Variants in CCDC15 observed in about 807,000 individuals in gnomAD.
The protein encoded by CCDC15 is coiled-coil domain-containing protein 15.
Under a neutral mutation model 114.5 loss-of-function variants are expected in CCDC15, and 105 were observed. The observed-to-expected ratio is 0.92, with a 90% CI of 0.78 to 1.08. The LOEUF (loss-of-function observed/expected upper bound fraction) is 1.08. Among genes scored for constraint, CCDC15 ranks in the 50% least tolerant of loss-of-function variants. CCDC15 has a pLI of 0.00. For missense variants in CCDC15, 1,105 were observed against 1,093.6 expected (o/e 1.01, Z -0.15); for synonymous variants, 334 against 377.8 (o/e 0.88, Z 1.34).
chr11:124,982,068 G>A (rs1313976385), intron 6 of CCDC15, among the ~76,000 whole-genome samples: 1 of 151,840 alleles, frequency 6.6e-6, no homozygotes, highest in East Asian at 1.9e-4. Flanking sequence ...TTTTTAAATT[G>A]TTATTTGTTC....
intron 15 of CCDC15, among the ~76,000 whole-genome samples, chr11:125,039,755 G>A (rs890530512): frequency 2.0e-5 from 3 of 151,972 alleles, no homozygotes; most frequent in African/African-American, 7.3e-5. Context: ...AACCTCTAGG[G>A]CTACCCACTG....
intron 4 of CCDC15, among the ~76,000 whole-genome samples, chr11:124,971,710 T>C (rs1947885058): frequency 6.6e-6 from 1 of 152,188 alleles, no homozygotes; most frequent in South Asian, 2.1e-4. Flanking sequence ...AGTAAATAGT[T>C]GCATGCATTG....
At chr11:124,980,805 T>A (rs1000219609) in intron 6 of CCDC15, among the ~76,000 whole-genome samples, 1 of 152,218 alleles carries the variant, frequency 6.6e-6, no homozygotes, top group African/African-American at 2.4e-5. Flanking sequence ...TTCTGCTAGC[T>A]TTGGGGCTGG....
intron 13 of CCDC15, among the ~76,000 whole-genome samples, chr11:125,007,384 C>T (rs1948560353): frequency 1.3e-5 from 2 of 152,182 alleles, no homozygotes; most frequent in Non-Finnish European, 2.9e-5. Context: ...CTTCCAGTTC[C>T]ATCTGTGTTG....
chr11:124,972,888 G>C (rs6590111), intron 4 of CCDC15, among the ~76,000 whole-genome samples: 1 of 152,018 alleles, frequency 6.6e-6, no homozygotes, highest in Non-Finnish European at 1.5e-5. Context: ...TTTAGGACCC[G>C]TATGGATAAT....
chr11:124,987,174 A>C lies in CCDC15; in HGVS notation c.948A>C (p.Glu316Asp). 3.9e-6 allele frequency: 6 copies of C among 1,521,240 alleles called. No individual in the cohort carries two copies. Among genetic ancestry groups the C allele is most frequent in the Non-Finnish European group, 5.3e-6 (6 of 1,138,818 alleles). 94.2% of individuals were successfully genotyped at this position (1,521,240 alleles called of 1,614,324 possible). A position where few individuals can be genotyped will look rare whatever the true frequency, so the allele number is the denominator to read the frequency against. The change falls in exon 8 of 16, where the codon GAA (glutamate) becomes GAC (aspartate). Residue 316 changes from glutamate (E) to aspartate (D), a missense_variant. Coordinates refer to ENST00000344762, the MANE Select transcript of CCDC15 (RefSeq NM_025004.3). ...TATTTGTTCTGATGGAAGAGGAAGA[A>C]CAAAAGCAGTTACATTTTGAGGGCC... ...NPLFVLMEEE[E>D]QKQLHFEGLQ...
At chr11:125,006,115 T>C (rs1292451494) in intron 13 of CCDC15, among the ~76,000 whole-genome samples, 1 of 152,168 alleles carries the variant, frequency 6.6e-6, no homozygotes, top group African/African-American at 2.4e-5. Flanking sequence ...GGTAAAAATA[T>C]ATTTAGCTTT....
intron 13 of CCDC15, among the ~76,000 whole-genome samples, chr11:125,036,586 GCCCAAAACTCTTAGATTTGC>G (rs376876061): frequency 0.028 from 4,298 of 152,070 alleles, 84 homozygotes; most frequent in Non-Finnish European, 0.044. Context: ...CCTCCTCAAG[GCCCAAAACTCTTAGATTTGC>G]CCTTTTGAAG....
intron 11 of CCDC15, among the ~76,000 whole-genome samples, chr11:124,995,689 G>GACGC (rs2135499890): frequency 6.6e-6 from 1 of 152,244 alleles, no homozygotes; most frequent in South Asian, 2.1e-4. Context: ...AGTGATAGAG[G>GACGC]ACGCATGGGG....
Position 125,006,267 on chromosome 11 carries a change from G to A in CCDC15, c.2411+1055G>A, listed in dbSNP as rs1400514718. The stretch of plus-strand genomic sequence containing the variant: ...TTGGATTTTGGCCATTCTAGTAGGT[G>A]TGTAGTAGTATCTCATTGTTTTAAT... On this transcript the variant is annotated intron_variant, in intron 13 of 15. Transcript: ENST00000344762. Among the ~76,000 whole-genome samples the A allele has an allele frequency of 2.6e-5, 4 of 152,144 alleles. No individual in the cohort carries two copies. The South Asian group carries it at 6.2e-4, about 24-fold the overall frequency.
intron 11 of CCDC15, among the ~76,000 whole-genome samples, chr11:124,994,976 A>C (rs1367324733): frequency 6.6e-6 from 1 of 152,218 alleles, no homozygotes; most frequent in Non-Finnish European, 1.5e-5. Flanking sequence ...CAAAGGAGGC[A>C]AAGAAGCAGA....
chr11:125,008,578 G>A (rs532979466), intron 13 of CCDC15, among the ~76,000 whole-genome samples: 1 of 152,102 alleles, frequency 6.6e-6, no homozygotes, highest in East Asian at 1.9e-4. Context: ...TCTTTGGCTT[G>A]TTTCTTATCC....
Position 124,993,222 on chromosome 11 carries a change from A to G in CCDC15, c.2193A>G (p.Gly731=). Residue 731 remains glycine, a synonymous_variant, in exon 11 of 16, where the codon GGA becomes GGG. Transcript: ENST00000344762. ...SSFEKWEIAR[G]NTPGVPLAYD... is the part of the protein sequence containing the mutation. ...TTGAGAAATGGGAGATTGCAAGAGG[A>G]AATACTCCTGGAGTGCCCTTGGTAT... The G allele has an allele frequency of 6.2e-7, 1 of 1,605,268 alleles. No individual in the cohort carries two copies. Among genetic ancestry groups the G allele is most frequent in the Non-Finnish European group, 8.5e-7 (1 of 1,173,926 alleles).
chr11:125,040,573 C>T lies in CCDC15; in HGVS notation c.2735-17C>T, dbSNP rs1037230231. 2 of 1,594,488 alleles carry T rather than the reference C, an allele frequency of 1.3e-6. No individual in the cohort carries two copies. The highest frequency in any genetic ancestry group is 1.7e-6 in the Non-Finnish European group (2 of 1,169,598). On this transcript the variant is annotated splice_polypyrimidine_tract_variant and intron_variant, in intron 15 of 15. Transcript: ENST00000344762. ...GAATTTGACTTTATTCATTGCTGTG[C>T]AAACCTTTTTTTGCAGCATATACTC...
intron 6 of CCDC15, among the ~76,000 whole-genome samples, chr11:124,980,618 T>C (rs1948056838): frequency 6.6e-6 from 1 of 152,206 alleles, no homozygotes; most frequent in Non-Finnish European, 1.5e-5. Context: ...AGTGGTAATG[T>C]CCCCTTTGTC....
intron 13 of CCDC15, among the ~76,000 whole-genome samples, chr11:125,008,561 G>T (rs543705549): frequency 6.6e-6 from 1 of 152,206 alleles, no homozygotes; most frequent in South Asian, 2.1e-4. Context: ...GTTAATGAGA[G>T]GGTACATCTT....
At position 124,992,676 on chromosome 11, in the gene CCDC15, C is replaced by T. The variant is rs1170162365; in HGVS notation, c.2128C>T (p.Pro710Ser). 1 of 1,572,564 alleles carries T rather than the reference C, an allele frequency of 6.4e-7. No homozygotes were observed. The highest frequency in any genetic ancestry group is 8.7e-7 in the Non-Finnish European group (1 of 1,152,146). ...VVPKIQDQDS[P>S]REQNKHIKLP... The stretch of plus-strand genomic sequence containing the variant: ...ACCTAAAATCCAGGACCAAGACTCC[C>T]CTAGAGAACAGGTAGAACCGAATAC... The change falls in exon 10 of 16, where the codon CCT (proline) becomes TCT (serine). Residue 710 changes from proline (P) to serine (S), a missense_variant. By Grantham distance (74) the Pro-to-Ser change is moderately conservative. Transcript: ENST00000344762.
At chr11:125,012,755 A>G (rs1402423880) in intron 13 of CCDC15, among the ~76,000 whole-genome samples, 1 of 152,218 alleles carries the variant, frequency 6.6e-6, no homozygotes, top group Non-Finnish European at 1.5e-5. Flanking sequence ...GGGCTTTCAT[A>G]TATTATCTAG....
At chr11:125,023,802 TA>T (rs1262294210) in intron 13 of CCDC15, among the ~76,000 whole-genome samples, 1 of 151,934 alleles carries the variant, frequency 6.6e-6, no homozygotes, top group Non-Finnish European at 1.5e-5. Context: ...ATGCGGGCAA[TA>T]AAAATGAAAG....
Sources: allele counts gnomAD v4.1 joint callset (sites outside exome capture counted in the v4.1 genomes callset), GRCh38; gene constraint gnomAD v4.1.1; transcripts MANE v1.5; gene names NCBI Gene and HGNC (gene_info 2026-07-23, HGNC 2026-07-21).